Variants in ARHGDIA observed in about 807,000 individuals in gnomAD.
ARHGDIA encodes rho GDP-dissociation inhibitor 1.
In ARHGDIA, 9 loss-of-function variants were observed where a neutral mutation model predicts 25.0. The ratio of observed to expected loss-of-function variants is 0.36; its 90% CI spans 0.22 to 0.63. The LOEUF (loss-of-function observed/expected upper bound fraction) is 0.63. ARHGDIA is among the 20% of genes least tolerant of loss of function. The pLI is 0.69. For missense variants in ARHGDIA, 239 were observed against 264.3 expected (o/e 0.90, Z 0.66); for synonymous variants, 166 against 111.5 (o/e 1.49, Z -3.08).
Position 81,868,069 on chromosome 17 carries a change from C to T in ARHGDIA, c.*807G>A. ...CTTGGGGGGGTGTGGGCTCTGGGCA[C>T]TGCCCGCTGAGACAGAAAAGGCAGA... On this transcript the variant is annotated 3_prime_UTR_variant, in exon 6 of 6. Coordinates refer to ENST00000269321, the MANE Select transcript of ARHGDIA (RefSeq NM_004309.6). 1 of 310,612 alleles carries T rather than the reference C, an allele frequency of 3.2e-6. No individual in the cohort carries two copies. The allele number at this position is 310,612 out of a possible 1,614,324, so 19.2% of individuals were successfully genotyped here.
rs949426713 is a variant in ARHGDIA, at chr17:81,868,441, G to A, written c.*435C>T. On this transcript the variant is annotated 3_prime_UTR_variant, in exon 6 of 6. Coordinates refer to ENST00000269321, the MANE Select transcript of ARHGDIA (RefSeq NM_004309.6). The stretch of plus-strand genomic sequence containing the variant: ...GAGCAGCGGGGCTGGAGGACGGCCC[G>A]GCCCCCACGAGGCCGTGCATCCCAC... The A allele has an allele frequency of 5.6e-5, 83 of 1,475,018 alleles. No individual in the cohort carries two copies. The highest frequency in any genetic ancestry group is 3.3e-4 in the Admixed American group (14 of 42,300). The allele number at this position is 1,475,018 out of a possible 1,614,324, so 91.4% of individuals were successfully genotyped here. A position where few individuals can be genotyped will look rare whatever the true frequency, so the allele number is the denominator to read the frequency against.
Position 81,868,461 on chromosome 17 carries a change from T to C in ARHGDIA, c.*415A>G. ...GGCCCGGCCCCCACGAGGCCGTGCA[T>C]CCCACACCCCAGCTCCACCCCGGAG... On this transcript the variant is annotated 3_prime_UTR_variant, in exon 6 of 6. Transcript: ENST00000269321. 1 of 1,508,892 alleles carries C rather than the reference T, an allele frequency of 6.6e-7. No homozygotes were observed. The highest frequency in any genetic ancestry group is 8.8e-7 in the Non-Finnish European group (1 of 1,131,570). 93.5% of individuals were successfully genotyped at this position (1,508,892 alleles called of 1,614,324 possible).
Position 81,871,299 on chromosome 17 carries a change from G to A in ARHGDIA, c.-29C>T, listed in dbSNP as rs917724693. 4 of 148,824 alleles carry A rather than the reference G, an allele frequency of 2.7e-5. No homozygotes were observed. Among genetic ancestry groups the A allele is most frequent in the African/African-American group, 9.8e-5 (4 of 40,722 alleles). 9.2% of individuals were successfully genotyped at this position (148,824 alleles called of 1,614,324 possible). ...CTCCGCCCCGCCACGGCCACTCACC[G>A]GAGGGTTCGGCCGCGCGGTTCAGGA... is the stretch of plus-strand genomic sequence containing the variant. On this transcript the variant is annotated splice_region_variant and 5_prime_UTR_variant, in exon 1 of 6. Transcript: ENST00000269321.
In ARHGDIA at chr17:81,868,254, A is replaced by C; in HGVS notation, c.*622T>G. 1 of 1,074,556 alleles carries C rather than the reference A, an allele frequency of 9.3e-7. No individual in the cohort carries two copies. The highest frequency in any genetic ancestry group is 1.3e-6 in the Non-Finnish European group (1 of 783,534). The allele number at this position is 1,074,556 out of a possible 1,614,324, so 66.6% of individuals were successfully genotyped here. A position where few individuals can be genotyped will look rare whatever the true frequency, so the allele number is the denominator to read the frequency against. ...CTGGGGAGCAGCAGCAGCACACCCC[A>C]CGTGTCCCTGGGTCACTGGGTTCGC... On this transcript the variant is annotated 3_prime_UTR_variant, in exon 6 of 6. Coordinates refer to ENST00000269321, the MANE Select transcript of ARHGDIA (RefSeq NM_004309.6).
intron 2 of ARHGDIA, 31 bp from the exon 3 acceptor site, chr17:81,869,656 C>A (rs201919353): frequency 7.9e-6 from 12 of 1,528,558 alleles, no homozygotes; most frequent in East Asian, 2.4e-5. Flanking sequence ...AGGGCCCCAC[C>A]CCCACCAGTG....
At position 81,869,915 on chromosome 17, in the gene ARHGDIA, G is replaced by A; in HGVS notation, c.16C>T (p.Pro6Ser). The change falls in exon 2 of 6, where the codon CCC becomes TCC. Residue 6 changes from proline (P) to serine (S), a missense_variant. This residue lies in a region of ARHGDIA where 135 missense variants were observed against 119.8 expected (regional missense o/e 1.13). Coordinates refer to ENST00000269321, the MANE Select transcript of ARHGDIA (RefSeq NM_004309.6). MAEQE[P>S]TAEQLAQIAA... Reference sequence around the variant, plus strand: ...ATCTGGGCCAGCTGCTCGGCTGTGGGCTCCTGCTCAGCCATGCTCAAGCTT... The same window carrying A: ...ATCTGGGCCAGCTGCTCGGCTGTGGACTCCTGCTCAGCCATGCTCAAGCTT... 6.2e-7 allele frequency: 1 copy of A among 1,613,546 alleles called. No individual in the cohort carries two copies. The highest frequency in any genetic ancestry group is 2.2e-5 in the East Asian group (1 of 44,888).
intron 1 of ARHGDIA, 186 bp downstream of exon 1, chr17:81,871,112 C>A (rs1339453306): frequency 3.4e-5 from 5 of 146,716 alleles, no homozygotes; most frequent in Non-Finnish European, 7.6e-5. Context: ...CCCGCCCTAG[C>A]CCGCACCGCC....
rs1316844335 is a variant in ARHGDIA at position 81,868,362 on chromosome 17, A to G, written c.*514T>C. On this transcript the variant is annotated 3_prime_UTR_variant, in exon 6 of 6. Coordinates refer to ENST00000269321, the MANE Select transcript of ARHGDIA (RefSeq NM_004309.6). ...AGTGAGGCCCCACGGTACACTCCAC[A>G]TGTTAAGGCATCATGGTTAGACGGG... 6.3e-6 allele frequency: 9 copies of G among 1,436,110 alleles called. No individual in the cohort carries two copies. The highest frequency in any genetic ancestry group is 1.5e-5 in the South Asian group (1 of 68,362). The allele number at this position is 1,436,110 out of a possible 1,614,324, so 89.0% of individuals were successfully genotyped here. A position where few individuals can be genotyped will look rare whatever the true frequency, so the allele number is the denominator to read the frequency against.
rs2143405628 is a variant in ARHGDIA, at chr17:81,868,329, T to TA, written c.*546dup. On this transcript the variant is annotated 3_prime_UTR_variant, in exon 6 of 6. Coordinates refer to ENST00000269321, the MANE Select transcript of ARHGDIA (RefSeq NM_004309.6). ...ACATGCTCATGCAGACACAGGGAGT[T>TA]AGAGGCTAGTGAGGCCCCACGGTAC... is the stretch of plus-strand genomic sequence containing the variant. 1.4e-6 allele frequency: 2 copies of TA among 1,419,122 alleles called. No individual in the cohort carries two copies. Among genetic ancestry groups the TA allele is most frequent in the Non-Finnish European group, 9.2e-7 (1 of 1,087,446 alleles). 87.9% of individuals were successfully genotyped at this position (1,419,122 alleles called of 1,614,324 possible). A position where few individuals can be genotyped will look rare whatever the true frequency, so the allele number is the denominator to read the frequency against.
Position 81,868,861 on chromosome 17 carries a change from C to A in ARHGDIA, c.*15G>T. On this transcript the variant is annotated 3_prime_UTR_variant, in exon 6 of 6. Transcript: ENST00000269321. ...CGTCCGTCCGTCAGTCTGCCCTGCC[C>A]GCCTCTGGCTGGGCTCAGTCCTTCC... The A allele has an allele frequency of 6.2e-7, 1 of 1,613,292 alleles. No homozygotes were observed. Among genetic ancestry groups the A allele is most frequent in the Non-Finnish European group, 8.5e-7 (1 of 1,179,838 alleles).
rs547938347 is a variant in ARHGDIA at position 81,867,956 on chromosome 17, G to T, written c.*920C>A. ...GGCGCCAGGCCAGTGGCCCAGGGAC[G>T]GCACGGACGGAGGCAATAAATACTG... is the stretch of plus-strand genomic sequence containing the variant. On this transcript the variant is annotated 3_prime_UTR_variant, in exon 6 of 6. Transcript: ENST00000269321. 83 of 165,276 alleles carry T rather than the reference G, an allele frequency of 5.0e-4. No homozygotes were observed. The highest frequency in any genetic ancestry group is 2.7e-3 in the Middle Eastern group (1 of 370). 10.2% of individuals were successfully genotyped at this position (165,276 alleles called of 1,614,324 possible).
rs757888813 is a variant in ARHGDIA, at chr17:81,869,787, C to T, written c.144G>A (p.Leu48=). The part of the protein sequence containing the change: ...IQELDKDDES[L]RKYKEALLGR... ...CCAGCAGGGCCTCCTTGTACTTTCG[C>T]AGGCTCTCGTCGTCCTTGTCCAGCT... is the stretch of plus-strand genomic sequence containing the variant. Residue 48 remains leucine, a synonymous_variant, in exon 2 of 6, where the codon CTG becomes CTA. Coordinates refer to ENST00000269321, the MANE Select transcript of ARHGDIA (RefSeq NM_004309.6). 6 of 1,613,906 alleles carry T rather than the reference C, an allele frequency of 3.7e-6. No individual in the cohort carries two copies. Among genetic ancestry groups the T allele is most frequent in the South Asian group, 3.3e-5 (3 of 91,090 alleles).
Position 81,868,201 on chromosome 17 carries a change from G to A in ARHGDIA, c.*675C>T. ...CATCTCCACAGCCCTGTCCAGGGAA[G>A]GGGGCAGGCTGGCCAGGCACTGGTG... is the stretch of plus-strand genomic sequence containing the variant. On this transcript the variant is annotated 3_prime_UTR_variant, in exon 6 of 6. Coordinates refer to ENST00000269321, the MANE Select transcript of ARHGDIA (RefSeq NM_004309.6). The A allele has an allele frequency of 1.4e-6, 1 of 704,352 alleles. No individual in the cohort carries two copies. The highest frequency in any genetic ancestry group is 2.2e-6 in the Non-Finnish European group (1 of 454,826). 43.6% of individuals were successfully genotyped at this position (704,352 alleles called of 1,614,324 possible).
At position 81,869,266 on chromosome 17, in the gene ARHGDIA, G is replaced by T. The variant is rs199798201; in HGVS notation, c.352-30C>A. The T allele has an allele frequency of 6.8e-6, 11 of 1,614,090 alleles. No individual in the cohort carries two copies. In the East Asian group the frequency reaches 2.5e-4, roughly 36 times the overall value. ...AGGACCCGAAGCGAGGATCAGGGAA[G>T]GTCGGTCCGGACCCCAGCCCCAGCC... On this transcript the variant is annotated intron_variant, in intron 4 of 5. Coordinates refer to ENST00000269321, the MANE Select transcript of ARHGDIA (RefSeq NM_004309.6).
intron 3 of ARHGDIA, 30 bp from the exon 4 acceptor site, chr17:81,869,436 G>A (rs1029682325): frequency 1.2e-6 from 2 of 1,612,224 alleles, no homozygotes; most frequent in Non-Finnish European, 8.5e-7. Flanking sequence ...CTCAATGACT[G>A]CCCAGCAGCC....
rs964875144 is a variant in ARHGDIA at position 81,868,537 on chromosome 17, T to C, written c.*339A>G. On this transcript the variant is annotated 3_prime_UTR_variant, in exon 6 of 6. Transcript: ENST00000269321. ...ACCACGGGGCCTGGAGAATGGCTGC[T>C]CCGCTCCCTCCTGAAGCCAGGCCTC... 3.5e-5 allele frequency: 54 copies of C among 1,533,004 alleles called. No individual in the cohort carries two copies. Among genetic ancestry groups the C allele is most frequent in the Non-Finnish European group, 4.2e-5 (48 of 1,145,172 alleles). 95.0% of individuals were successfully genotyped at this position (1,533,004 alleles called of 1,614,324 possible).
In ARHGDIA at chr17:81,868,870, C is replaced by T. The variant is rs1228143728; in HGVS notation, c.*6G>A. ...GTCAGTCTGCCCTGCCCGCCTCTGGCTGGGCTCAGTCCTTCCAGTCCTTCT... is the reference window on the plus strand; with the variant it reads ...GTCAGTCTGCCCTGCCCGCCTCTGGTTGGGCTCAGTCCTTCCAGTCCTTCT... On this transcript the variant is annotated 3_prime_UTR_variant, in exon 6 of 6. Transcript: ENST00000269321. 6.2e-7 allele frequency: 1 copy of T among 1,613,054 alleles called. No individual in the cohort carries two copies. The highest frequency in any genetic ancestry group is 2.2e-5 in the East Asian group (1 of 44,862).
chr17:81,870,836 G>A (rs1391592005), intron 1 of ARHGDIA: 3 of 151,952 alleles, frequency 2.0e-5, no homozygotes, highest in African/African-American at 7.2e-5. Context: ...CGCAATCCGT[G>A]CCGGGCGTGG....
chr17:81,869,673 G>A (rs1402968737), intron 2 of ARHGDIA, 48 bp from the exon 3 acceptor site: 2 of 1,540,810 alleles, frequency 1.3e-6, no homozygotes, highest in African/African-American at 1.4e-5. Context: ...AGTGGAAGTA[G>A]GGGCTGGGGA....
Sources: gnomAD v4.1 joint callset for allele counts on GRCh38, gnomAD v4.1.1 for gene constraint, gnomAD v4.1.1 regional missense constraint, MANE v1.5 for transcripts, NCBI Gene and HGNC (gene_info 2026-07-23, HGNC 2026-07-21) for gene names.